The following ST7L variants were observed in gnomAD, a reference collection of about 807,000 sequenced individuals.
The protein encoded by ST7L is suppression of tumorigenicity 7 like, also known as suppressor of tumorigenicity 7 protein-like.
A neutral mutation model predicts 72.5 loss-of-function variants in ST7L; 57 were observed. That is an observed-to-expected ratio of 0.79 (90% CI 0.64 to 0.98). The LOEUF (loss-of-function observed/expected upper bound fraction) is 0.98. Ranked by LOEUF, ST7L falls within the 50% of genes least tolerant of loss-of-function variation. The probability of loss-of-function intolerance (pLI) is 0.00; values close to 1 mark genes in which losing one functional copy is unlikely to be tolerated. For synonymous variants in ST7L, 221 were observed against 240.9 expected (o/e 0.92, Z 0.77); for missense variants, 576 against 672.2 (o/e 0.86, Z 1.58).
downstream of ST7L, chr1:112,520,466 C>G (rs372190907): frequency 6.2e-7 from 1 of 1,614,082 alleles, no homozygotes; most frequent in African/African-American, 1.3e-5. Context: ...GACGTCCATA[C>G]TTGCAAAGCC....
intron 4 of ST7L, among the ~76,000 whole-genome samples, chr1:112,599,791 T>C (rs1251683985): frequency 6.6e-6 from 1 of 152,214 alleles, no homozygotes; most frequent in African/African-American, 2.4e-5. Flanking sequence ...CATACTTAAA[T>C]GTATACAATG....
chr1:112,540,819 T>C (rs1042306276), intron 14 of ST7L: 2 of 1,288,714 alleles, frequency 1.6e-6, no homozygotes, highest in Non-Finnish European at 2.0e-6. Flanking sequence ...AGTGTTTTCA[T>C]TTTTGGGAAT....
chr1:112,590,036 C>T (rs1488411540), intron 6 of ST7L, among the ~76,000 whole-genome samples: 1 of 152,200 alleles, frequency 6.6e-6, no homozygotes, highest in Non-Finnish European at 1.5e-5. Context: ...GCAGCAGCAG[C>T]TAATGCATTT....
chr1:112,599,073 A>AATATATATAT (rs71084479), intron 4 of ST7L, among the ~76,000 whole-genome samples: 10 of 56,964 alleles, frequency 1.8e-4, no homozygotes, highest in East Asian at 9.3e-4. Flanking sequence ...AAAAAAAAAA[A>AATATATATAT]ATATATATAT....
intron 13 of ST7L, among the ~76,000 whole-genome samples, chr1:112,547,028 T>C (rs994915496): frequency 1.3e-5 from 2 of 151,904 alleles, no homozygotes; most frequent in African/African-American, 4.8e-5. Context: ...ACAGGCAACA[T>C]AGTCAAAGCT....
chr1:112,619,151 G>A (rs370326105), upstream of ST7L: 2 of 1,592,662 alleles, frequency 1.3e-6, no homozygotes, highest in East Asian at 2.3e-5. Flanking sequence ...TGGGAGGGGA[G>A]AAGGACAGGA....
intron 13 of ST7L, among the ~76,000 whole-genome samples, chr1:112,544,230 T>C (rs554092985): frequency 6.6e-6 from 1 of 152,336 alleles, no homozygotes; most frequent in South Asian, 2.1e-4. Context: ...TAGTAAGGGA[T>C]GACTAATTTT....
chr1:112,556,968 AAAAAAAAAAAAAAAAAC>A (rs1263318083), intron 11 of ST7L, among the ~76,000 whole-genome samples: 2 of 59,590 alleles, frequency 3.4e-5, no homozygotes, highest in African/African-American at 1.3e-4. Flanking sequence ...CTCTGTCTCA[AAAAAAAAAAAAAAAAAC>A]AAAAAAAAAA....
At chr1:112,619,241 C>G (rs1670461169), upstream of ST7L, 2 of 862,894 alleles carry the variant, frequency 2.3e-6, no homozygotes, top group African/African-American at 1.7e-5. Flanking sequence ...GAACCGGGAC[C>G]GAGAAGATTT....
chr1:112,541,759 A>G lies in ST7L; in HGVS notation c.1629+192T>C, dbSNP rs922673379. 4 of 1,292,868 alleles carry G rather than the reference A, an allele frequency of 3.1e-6. No homozygotes were observed. In the African/African-American group the frequency reaches 4.6e-5, roughly 15 times the overall value. The allele number at this position is 1,292,868 out of a possible 1,614,324, so 80.1% of individuals were successfully genotyped here. A position where few individuals can be genotyped will look rare whatever the true frequency, so the allele number is the denominator to read the frequency against. On this transcript the variant is annotated intron_variant, in intron 14 of 14. Coordinates refer to ENST00000358039, the MANE Select transcript of ST7L (RefSeq NM_017744.5). ...CTTATATTGTATTCTTTAAACTTTT[A>G]AGCAACAGAAGTAGCTCAAATCACC...
chr1:112,560,511 T>C (rs1485376730), intron 11 of ST7L, among the ~76,000 whole-genome samples: 1 of 152,154 alleles, frequency 6.6e-6, no homozygotes, highest in Non-Finnish European at 1.5e-5. Context: ...TTAAGGAAAA[T>C]GTATACAAAT....
At chr1:112,555,696 A>C (rs563667961) in intron 12 of ST7L, among the ~76,000 whole-genome samples, 172 bp downstream of exon 12, 1 of 152,366 alleles carries the variant, frequency 6.6e-6, no homozygotes, top group East Asian at 1.9e-4. Context: ...GGATCAATAT[A>C]ACATTATGCA....
chr1:112,518,197 T>G, the ST7L span: 1 of 152,212 alleles, frequency 6.6e-6, no homozygotes. Context: ...GTTGATATGG[T>G]TTTTCCCCAA....
intron 13 of ST7L, among the ~76,000 whole-genome samples, chr1:112,543,418 C>T (rs1656501108): frequency 1.3e-5 from 2 of 152,064 alleles, no homozygotes; most frequent in Admixed American, 6.5e-5. Context: ...CGTGGTGACA[C>T]GCGCCTATAG....
chr1:112,546,057 G>A (rs1406762290), intron 13 of ST7L, among the ~76,000 whole-genome samples: 2 of 151,910 alleles, frequency 1.3e-5, no homozygotes, highest in African/African-American at 4.8e-5. Context: ...GGGTGCAGTG[G>A]CTCACACCTG....
At chr1:112,531,172 A>C (rs1654323078) in intron 14 of ST7L, among the ~76,000 whole-genome samples, 1 of 152,232 alleles carries the variant, frequency 6.6e-6, no homozygotes, top group South Asian at 2.1e-4. Flanking sequence ...ACTGAAAACC[A>C]GGATGGCTAT....
intron 14 of ST7L, among the ~76,000 whole-genome samples, chr1:112,533,619 CTTTATT>C (rs1025211046): frequency 1.3e-5 from 2 of 150,926 alleles, no homozygotes; most frequent in Non-Finnish European, 3.0e-5. Context: ...CGGCTGAGTT[CTTTATT>C]TTTAAGTAAT....
intron 11 of ST7L, among the ~76,000 whole-genome samples, chr1:112,568,208 C>A (rs1354076510): frequency 3.3e-5 from 5 of 151,994 alleles, no homozygotes; most frequent in Non-Finnish European, 7.4e-5. Flanking sequence ...AGGTTTGTGA[C>A]CCATTCTCAT....
intron 5 of ST7L, among the ~76,000 whole-genome samples, chr1:112,595,294 G>A (rs1666286492): frequency 6.7e-6 from 1 of 149,808 alleles, no homozygotes; most frequent in Non-Finnish European, 1.5e-5. Flanking sequence ...GAACCCAGGA[G>A]GTGGAGGTTG....
Sources: gnomAD v4.1 joint callset for allele counts (sites outside exome capture counted in the v4.1 genomes callset) on GRCh38, gnomAD v4.1.1 for gene constraint, MANE v1.5 for transcripts, NCBI Gene and HGNC (gene_info 2026-07-23, HGNC 2026-07-21) for gene names.